The following GPR158 variants were observed in gnomAD, a reference collection of about 807,000 sequenced individuals.
GPR158 encodes the protein metabotropic glycine receptor.
In GPR158, 30 loss-of-function variants were observed where a neutral mutation model predicts 78.2. The ratio of observed to expected loss-of-function variants is 0.38; its 90% CI spans 0.29 to 0.52. The LOEUF (loss-of-function observed/expected upper bound fraction) is 0.52. GPR158 is among the 20% of genes least tolerant of loss of function. The pLI is 0.83. For missense variants in GPR158, 1,463 were observed against 1,523.5 expected, an observed-to-expected ratio of 0.96 and a Z score of 0.66; for synonymous variants, 581 against 591.1, an observed-to-expected ratio of 0.98 and a Z score of 0.25.
intron 4 of GPR158, among the ~76,000 whole-genome samples, chr10:25,428,125 T>C (rs1834849036): frequency 6.6e-6 from 1 of 152,118 alleles, no homozygotes; most frequent in Non-Finnish European, 1.5e-5. Flanking sequence ...GTAGATAATA[T>C]AGCAAAACAA....
intron 2 of GPR158, among the ~76,000 whole-genome samples, chr10:25,371,462 A>G (rs1833991888): frequency 6.6e-6 from 1 of 151,748 alleles, no homozygotes. Context: ...ACTATACTAT[A>G]AGGCTACAGT....
chr10:25,472,591 A>G (rs1161138539), intron 5 of GPR158, among the ~76,000 whole-genome samples: 1 of 152,200 alleles, frequency 6.6e-6, no homozygotes, highest in East Asian at 1.9e-4. Context: ...CTTCCTACCC[A>G]TGAGCATGGA....
chr10:25,520,197 G>A (rs1439250861), intron 5 of GPR158, among the ~76,000 whole-genome samples: 1 of 29,880 alleles, frequency 3.3e-5, no homozygotes, highest in Non-Finnish European at 6.1e-5. Flanking sequence ...TCTTCACGTA[G>A]TTCTCGAGCC....
At chr10:25,365,869 C>CT (rs1474572276) in intron 2 of GPR158, among the ~76,000 whole-genome samples, 1 of 151,598 alleles carries the variant, frequency 6.6e-6, no homozygotes, top group African/African-American at 2.4e-5. Flanking sequence ...CTTATGTCCC[C>CT]TACCCAATCA....
intron 4 of GPR158, among the ~76,000 whole-genome samples, chr10:25,437,258 C>T (rs1835008711): frequency 6.6e-6 from 1 of 152,122 alleles, no homozygotes; most frequent in Non-Finnish European, 1.5e-5. Context: ...CAGGGTCTTG[C>T]TCTCTTGCCC....
At chr10:25,549,249 C>T (rs546446143) in intron 5 of GPR158, among the ~76,000 whole-genome samples, 2 of 152,276 alleles carry the variant, frequency 1.3e-5, no homozygotes, top group Admixed American at 1.3e-4. Context: ...AATCTTCTGT[C>T]AAGGTTTCTC....
intron 2 of GPR158, among the ~76,000 whole-genome samples, chr10:25,261,056 A>G (rs999882120): frequency 6.6e-6 from 1 of 152,128 alleles, no homozygotes; most frequent in African/African-American, 2.4e-5. Context: ...GTCCTACCTG[A>G]TCATGACTAA....
intron 2 of GPR158, among the ~76,000 whole-genome samples, chr10:25,264,800 G>A (rs1854020394): frequency 6.6e-6 from 1 of 152,156 alleles, no homozygotes; most frequent in Admixed American, 6.5e-5. Flanking sequence ...ACTTGTCACA[G>A]TGGTACCTAA....
chr10:25,524,338 T>C (rs774732700), intron 5 of GPR158, among the ~76,000 whole-genome samples: 5 of 152,154 alleles, frequency 3.3e-5, no homozygotes, highest in Non-Finnish European at 7.4e-5. Flanking sequence ...TCTAAAATAA[T>C]TTCAAAAAGC....
chr10:25,260,476 C>A (rs566061685), intron 2 of GPR158, among the ~76,000 whole-genome samples: 16 of 151,954 alleles, frequency 1.1e-4, no homozygotes, highest in African/African-American at 3.1e-4. Flanking sequence ...TTTTAGGACA[C>A]ACAGTTAATA....
intron 5 of GPR158, among the ~76,000 whole-genome samples, chr10:25,531,005 G>C (rs1328509388): frequency 6.6e-6 from 1 of 152,152 alleles, no homozygotes; most frequent in Non-Finnish European, 1.5e-5. Flanking sequence ...GGCTTTCAGA[G>C]TCATCACTCT....
chr10:25,453,445 G>A (rs1159642215), intron 4 of GPR158, among the ~76,000 whole-genome samples: 2 of 152,016 alleles, frequency 1.3e-5, no homozygotes, highest in East Asian at 3.9e-4. Flanking sequence ...ACATCTTATG[G>A]TAGTTTTATT....
chr10:25,248,136 A>G (rs1350158293), intron 2 of GPR158, among the ~76,000 whole-genome samples: 6 of 151,902 alleles, frequency 3.9e-5, no homozygotes, highest in Non-Finnish European at 2.9e-5. Context: ...GTCTGTTCAT[A>G]TCCTTCGCCC....
chr10:25,338,479 A>AT (rs1359652644), intron 2 of GPR158, among the ~76,000 whole-genome samples: 2 of 130,540 alleles, frequency 1.5e-5, no homozygotes, highest in Non-Finnish European at 3.1e-5. Flanking sequence ...TTATACGTAT[A>AT]ATATACGTAT....
At chr10:25,374,897 G>C (rs1348381365) in intron 2 of GPR158, among the ~76,000 whole-genome samples, 1 of 151,542 alleles carries the variant, frequency 6.6e-6, no homozygotes, top group Non-Finnish European at 1.5e-5. Flanking sequence ...TTTTTTTCTG[G>C]TTTAAATGCC....
chr10:25,303,970 T>G (rs570630910), intron 2 of GPR158, among the ~76,000 whole-genome samples: 1 of 152,318 alleles, frequency 6.6e-6, no homozygotes, highest in South Asian at 2.1e-4. Flanking sequence ...GAAGTGATTG[T>G]GATTTAGGCT....
chr10:25,365,623 G>A (rs1009872964), intron 2 of GPR158, among the ~76,000 whole-genome samples: 1 of 151,568 alleles, frequency 6.6e-6, no homozygotes, highest in Non-Finnish European at 1.5e-5. Flanking sequence ...GAATGGAGTA[G>A]ACAAAATATT....
chr10:25,242,911 C>T (rs1853645013), intron 2 of GPR158, among the ~76,000 whole-genome samples: 1 of 152,168 alleles, frequency 6.6e-6, no homozygotes, highest in African/African-American at 2.4e-5. Context: ...ATTACCTAAC[C>T]TATTGCTCCA....
intron 5 of GPR158, among the ~76,000 whole-genome samples, chr10:25,506,844 C>T (rs947816186): frequency 6.6e-6 from 1 of 152,142 alleles, no homozygotes; most frequent in African/African-American, 2.4e-5. Context: ...CTACATATTG[C>T]TTAACATAGA....
Sources: allele counts gnomAD v4.1 joint callset (sites outside exome capture counted in the v4.1 genomes callset), GRCh38; gene constraint gnomAD v4.1.1; transcripts MANE v1.5; gene names NCBI Gene and HGNC (gene_info 2026-07-23, HGNC 2026-07-21).